Variants in PDGFD observed in about 807,000 individuals in gnomAD.
The protein encoded by PDGFD is platelet-derived growth factor D.
In PDGFD, 30 loss-of-function variants were observed where a neutral mutation model predicts 44.7. The observed-to-expected ratio is 0.67, with a 90% CI of 0.50 to 0.91. PDGFD has a LOEUF of 0.91. Ranked by LOEUF, PDGFD falls within the 40% of genes least tolerant of loss-of-function variation. The pLI, the probability that PDGFD is intolerant of heterozygous loss-of-function variation, is 0.00. For missense variants in PDGFD, 445 were observed against 457.8 expected (o/e 0.97, Z 0.25); for synonymous variants, 173 against 168.4 (o/e 1.03, Z -0.21).
intron 5 of PDGFD, among the ~76,000 whole-genome samples, chr11:103,936,830 GTT>G (rs11335069): frequency 2.1e-5 from 3 of 143,668 alleles, no homozygotes; most frequent in African/African-American, 7.5e-5. Context: ...TTTGTTTTTT[GTT>G]TTTTTTTTTT....
chr11:104,084,769 A>G (rs1319783175), intron 1 of PDGFD, among the ~76,000 whole-genome samples: 1 of 146,430 alleles, frequency 6.8e-6, no homozygotes, highest in Non-Finnish European at 1.5e-5. Context: ...TATTAATTAT[A>G]AAATTATACA....
At chr11:103,973,668 G>A (rs1165287789) in intron 3 of PDGFD, among the ~76,000 whole-genome samples, 5 of 152,126 alleles carry the variant, frequency 3.3e-5, no homozygotes, top group South Asian at 2.1e-4. Context: ...ATGGCTCTAC[G>A]CTGAGTAAGC....
At chr11:103,950,644 C>T (rs1207001686) in intron 3 of PDGFD, among the ~76,000 whole-genome samples, 3 of 151,828 alleles carry the variant, frequency 2.0e-5, no homozygotes, top group Non-Finnish European at 4.4e-5. Flanking sequence ...GTATCATGTA[C>T]CCATTTTCTG....
chr11:104,134,963 G>C (rs1462351763), intron 1 of PDGFD, among the ~76,000 whole-genome samples: 1 of 152,160 alleles, frequency 6.6e-6, no homozygotes, highest in Non-Finnish European at 1.5e-5. Context: ...GCTAACCAAG[G>C]CTGAGTCATG....
At chr11:103,994,883 T>C (rs868342883) in intron 3 of PDGFD, among the ~76,000 whole-genome samples, 1 of 73,306 alleles carries the variant, frequency 1.4e-5, no homozygotes, top group South Asian at 4.7e-4. Flanking sequence ...TGCTATTCCT[T>C]TTTTTTTTTT....
chr11:104,021,982 T>A (rs539404308), intron 1 of PDGFD, among the ~76,000 whole-genome samples: 1 of 152,286 alleles, frequency 6.6e-6, no homozygotes, highest in South Asian at 2.1e-4. Flanking sequence ...ATCAGGACTC[T>A]GATACAAGGA....
At chr11:104,153,991 T>C (rs1371384110) in intron 1 of PDGFD, among the ~76,000 whole-genome samples, 1 of 152,014 alleles carries the variant, frequency 6.6e-6, no homozygotes, top group Non-Finnish European at 1.5e-5. Flanking sequence ...GAGGAAACAA[T>C]AAACAAAGGG....
At chr11:104,053,719 G>T (rs963720746) in intron 1 of PDGFD, among the ~76,000 whole-genome samples, 1 of 152,054 alleles carries the variant, frequency 6.6e-6, no homozygotes, top group African/African-American at 2.4e-5. Context: ...TATTCAACTG[G>T]GCAGGATATT....
chr11:103,949,706 C>T (rs1020385796), intron 3 of PDGFD, among the ~76,000 whole-genome samples: 3 of 152,120 alleles, frequency 2.0e-5, no homozygotes, highest in Non-Finnish European at 2.9e-5. Flanking sequence ...GAATTCGAAA[C>T]GTAAACACAC....
chr11:103,919,254 A>G lies in PDGFD; in HGVS notation c.987+7658T>C, dbSNP rs1442064267. On this transcript the variant is annotated intron_variant, in intron 6 of 6. Coordinates refer to ENST00000393158, the MANE Select transcript of PDGFD (RefSeq NM_025208.5). ...ACCTCATCACAAAAGATATTTAACTACAGTTACTCACCTTGTTGCCAATAA... is the reference window on the plus strand; with the variant it reads ...ACCTCATCACAAAAGATATTTAACTGCAGTTACTCACCTTGTTGCCAATAA... 2.6e-5 allele frequency among the ~76,000 whole-genome samples: 4 copies of G among 152,212 alleles called. 1 individual carries two copies. Among genetic ancestry groups the G allele is most frequent in the Non-Finnish European group, 5.9e-5 (4 of 68,042 alleles).
chr11:104,035,551 ACTT>A (rs1860214150), intron 1 of PDGFD, among the ~76,000 whole-genome samples: 1 of 118,738 alleles, frequency 8.4e-6, no homozygotes, highest in South Asian at 2.7e-4. Context: ...TTCCTTCCTT[ACTT>A]CTTTTTCTTT....
At chr11:104,012,961 T>C (rs1859805445) in intron 1 of PDGFD, among the ~76,000 whole-genome samples, 1 of 152,220 alleles carries the variant, frequency 6.6e-6, no homozygotes, top group South Asian at 2.1e-4. Flanking sequence ...CGGCCCTAAA[T>C]GAGAACTTCA....
rs563731608 is a variant in PDGFD, at chr11:104,051,220, G to A, written c.125-50965C>T. Among the ~76,000 whole-genome samples the A allele has an allele frequency of 4.6e-5, 7 of 152,170 alleles. No homozygotes were observed. In the South Asian group the frequency reaches 6.2e-4, roughly 14 times the overall value. On this transcript the variant is annotated intron_variant, in intron 1 of 6. Transcript: ENST00000393158. ...AAAGAAAGTTTGGTACCTAGGTTTCGCCTGCATGGAATTAGGTAGCATCTC... is the reference window on the plus strand; with the variant it reads ...AAAGAAAGTTTGGTACCTAGGTTTCACCTGCATGGAATTAGGTAGCATCTC...
chr11:104,091,301 T>C (rs1032754187), intron 1 of PDGFD, among the ~76,000 whole-genome samples: 3 of 152,204 alleles, frequency 2.0e-5, no homozygotes, highest in South Asian at 2.1e-4. Context: ...GAATCAGGAA[T>C]TTTTTTTCTT....
At chr11:104,032,756 C>G (rs1011798184) in intron 1 of PDGFD, among the ~76,000 whole-genome samples, 1 of 151,194 alleles carries the variant, frequency 6.6e-6, no homozygotes, top group Admixed American at 6.6e-5. Flanking sequence ...AGTATGAAAT[C>G]AGTACCATCT....
At chr11:103,971,594 T>C (rs930565713) in intron 3 of PDGFD, among the ~76,000 whole-genome samples, 1 of 152,204 alleles carries the variant, frequency 6.6e-6, no homozygotes, top group African/African-American at 2.4e-5. Flanking sequence ...AGCTACTAAT[T>C]ATTTAGTCTA....
At chr11:104,105,732 T>C (rs1460307740) in intron 1 of PDGFD, among the ~76,000 whole-genome samples, 1 of 151,840 alleles carries the variant, frequency 6.6e-6, no homozygotes, top group East Asian at 1.9e-4. Context: ...CTCATGGAGA[T>C]AAAGGAAACT....
Position 104,102,175 on chromosome 11 carries a change from T to C in PDGFD, c.124+61629A>G, listed in dbSNP as rs1197235255. Among the ~76,000 whole-genome samples, 4 of 152,198 alleles carry C rather than the reference T, an allele frequency of 2.6e-5. No individual in the cohort carries two copies. The East Asian group carries it at 7.7e-4, about 29-fold the overall frequency. ...ATGGGAAAACATTTTTGCAATCTACTCATCTGACAAAGGGCTAATATCCAG... is the reference window on the plus strand; with the variant it reads ...ATGGGAAAACATTTTTGCAATCTACCCATCTGACAAAGGGCTAATATCCAG... On this transcript the variant is annotated intron_variant, in intron 1 of 6. Transcript: ENST00000393158.
intron 1 of PDGFD, among the ~76,000 whole-genome samples, chr11:104,015,862 A>C (rs1360704520): frequency 6.6e-6 from 1 of 152,202 alleles, no homozygotes; most frequent in African/African-American, 2.4e-5. Context: ...CCCTTCATGC[A>C]TATAAAGAGC....
Sources: gnomAD v4.1 joint callset for allele counts (sites outside exome capture counted in the v4.1 genomes callset) on GRCh38, gnomAD v4.1.1 for gene constraint, MANE v1.5 for transcripts, NCBI Gene and HGNC (gene_info 2026-07-23, HGNC 2026-07-21) for gene names.